NFIC: variants seen among roughly 807,000 people sequenced by gnomAD.
NFIC encodes the protein nuclear factor 1 C-type.
In NFIC, 12 loss-of-function variants were observed where a neutral mutation model predicts 54.4. That is an observed-to-expected ratio of 0.22 (90% CI 0.14 to 0.36). The LOEUF is 0.36. NFIC is among the 10% of genes least tolerant of loss of function. The pLI is 1.00. For missense variants in NFIC, 575 were observed against 718.2 expected, an observed-to-expected ratio of 0.80 and a Z score of 2.28; for synonymous variants, 322 against 319.2, an observed-to-expected ratio of 1.01 and a Z score of -0.09.
intron 1 of NFIC, among the ~76,000 whole-genome samples, chr19:3,381,191 TC>T (rs1389726183): frequency 6.6e-6 from 1 of 151,934 alleles, no homozygotes; most frequent in Non-Finnish European, 1.5e-5. Flanking sequence ...GGTCAGGAGA[TC>T]GAGACCATCC....
chr19:3,392,719 G>C (rs1199274413), intron 2 of NFIC, among the ~76,000 whole-genome samples: 2 of 152,170 alleles, frequency 1.3e-5, no homozygotes, highest in Non-Finnish European at 2.9e-5. Context: ...CTGTGCCCAC[G>C]GCCCCCTCCA....
intron 10 of NFIC, among the ~76,000 whole-genome samples, chr19:3,462,513 A>C (rs2082656949): frequency 6.6e-6 from 1 of 152,056 alleles, no homozygotes; most frequent in Non-Finnish European, 1.5e-5. Context: ...GTTAACCAGA[A>C]CTCCAGTTTC....
At chr19:3,424,007 TATTTA>T (rs920263380) in intron 2 of NFIC, among the ~76,000 whole-genome samples, 10 of 152,084 alleles carry the variant, frequency 6.6e-5, no homozygotes, top group Non-Finnish European at 1.5e-4. Context: ...CATTTTATTT[TATTTA>T]TTTTGTTTTA....
chr19:3,396,633 G>A (rs963693042), intron 2 of NFIC, among the ~76,000 whole-genome samples: 6 of 152,054 alleles, frequency 3.9e-5, no homozygotes, highest in Admixed American at 6.6e-5. Flanking sequence ...GCCGCTCGTA[G>A]CCCAGAGCTT....
intron 6 of NFIC, among the ~76,000 whole-genome samples, chr19:3,441,875 C>T (rs2082299061): frequency 1.3e-5 from 2 of 152,208 alleles, no homozygotes; most frequent in Non-Finnish European, 2.9e-5. Flanking sequence ...CCTCCTCCTC[C>T]TCGGCATCCT....
chr19:3,464,426 C>T lies in NFIC; in HGVS notation c.*1657C>T. 4.1e-6 allele frequency: 4 copies of T among 984,658 alleles called. No individual in the cohort carries two copies. The South Asian group carries it at 1.9e-4, about 46-fold the overall frequency. The allele number at this position is 984,658 out of a possible 1,614,324, so 61.0% of individuals were successfully genotyped here. ...CCCCGGCTCCCTGGCCCTATCCACA[C>T]CTCCACCCCCACCCCAGGATCGCCA... On this transcript the variant is annotated 3_prime_UTR_variant, in exon 11 of 11. Coordinates refer to ENST00000443272, the MANE Select transcript of NFIC (RefSeq NM_001245002.2).
At chr19:3,393,966 A>C (rs1404239199) in intron 2 of NFIC, among the ~76,000 whole-genome samples, 3 of 151,348 alleles carry the variant, frequency 2.0e-5, no homozygotes, top group Non-Finnish European at 4.4e-5. Flanking sequence ...TCCTTGAGAC[A>C]GAGTCTCGCT....
chr19:3,451,032 A>G (rs893925833), intron 7 of NFIC, among the ~76,000 whole-genome samples: 4 of 152,212 alleles, frequency 2.6e-5, no homozygotes, highest in Non-Finnish European at 5.9e-5. Context: ...GGCTGTGGAG[A>G]TGAGGGAGTG....
chr19:3,383,679 G>A (rs368572732), intron 2 of NFIC, among the ~76,000 whole-genome samples: 6 of 152,298 alleles, frequency 3.9e-5, no homozygotes, highest in South Asian at 4.1e-4. Context: ...TGGAGCACGC[G>A]TGAACCCCCA....
Position 3,464,814 on chromosome 19 carries a change from CG to C in NFIC, c.*2049del, listed in dbSNP as rs2082695008. On this transcript the variant is annotated 3_prime_UTR_variant, in exon 11 of 11. Transcript: ENST00000443272. ...CTTGGTCCCTCCGTCCGTCTGTCCT[CG>C]GGGCCCGCTCCCCCGGTGGCCCTTG... 6.1e-6 allele frequency: 4 copies of C among 651,162 alleles called. No individual in the cohort carries two copies. Among genetic ancestry groups the C allele is most frequent in the Non-Finnish European group, 5.7e-6 (3 of 525,210 alleles). The allele number at this position is 651,162 out of a possible 1,614,324, so 40.3% of individuals were successfully genotyped here. A position where few individuals can be genotyped will look rare whatever the true frequency, so the allele number is the denominator to read the frequency against.
chr19:3,399,849 T>C (rs1194556331), intron 2 of NFIC, among the ~76,000 whole-genome samples: 8 of 152,046 alleles, frequency 5.3e-5, no homozygotes. Context: ...CTAGCCTGGG[T>C]GACAGAGCAA....
chr19:3,389,786 C>T (rs2081350963), intron 2 of NFIC, among the ~76,000 whole-genome samples: 1 of 152,108 alleles, frequency 6.6e-6, no homozygotes, highest in South Asian at 2.1e-4. Flanking sequence ...AGTTCGAGAC[C>T]AGCCTGACCA....
At chr19:3,439,617 G>A (rs1446112149) in intron 6 of NFIC, among the ~76,000 whole-genome samples, 1 of 151,182 alleles carries the variant, frequency 6.6e-6, no homozygotes, top group Non-Finnish European at 1.5e-5. Flanking sequence ...ACTCCAGCCT[G>A]GGCAACAAGA....
chr19:3,446,354 G>T (rs1351769099), intron 6 of NFIC, among the ~76,000 whole-genome samples: 1 of 151,852 alleles, frequency 6.6e-6, no homozygotes, highest in Non-Finnish European at 1.5e-5. Flanking sequence ...GGTACTTTTG[G>T]TGATGTCTGG....
At position 3,449,085 on chromosome 19, in the gene NFIC, C is replaced by T; in HGVS notation, c.1030C>T (p.Pro344Ser). 1 of 1,613,704 alleles carries T rather than the reference C, an allele frequency of 6.2e-7. No homozygotes were observed. Residue 344 changes from proline to serine, a missense_variant, in exon 7 of 11, where the codon CCC (proline) becomes TCC (serine). Pro to Ser is a moderately conservative substitution (Grantham distance 74). Coordinates refer to ENST00000443272, the MANE Select transcript of NFIC (RefSeq NM_001245002.2). ...CAACAGCCCGTCCCCCCAGGACTCT[C>T]CCCGCCTCTCCAGCTTCACCCAGCA... The part of the protein sequence containing the change: ...PFNSPSPQDS[P>S]RLSSFTQHHR...
At chr19:3,443,291 G>A (rs535818208) in intron 6 of NFIC, among the ~76,000 whole-genome samples, 4 of 152,102 alleles carry the variant, frequency 2.6e-5, no homozygotes, top group Non-Finnish European at 5.9e-5. Flanking sequence ...ATGTGGTGGC[G>A]TGTGCCTGTA....
rs560457761 is a variant in NFIC, at chr19:3,406,913, C to T, written c.563-18193C>T. Among the ~76,000 whole-genome samples, 208 of 151,882 alleles carry T rather than the reference C, an allele frequency of 1.4e-3. 1 individual carries two copies. Among genetic ancestry groups the T allele is most frequent in the African/African-American group, 4.8e-3 (198 of 41,422 alleles). Reference sequence around the variant, plus strand: ...GGTGTTCCAAGCAGTGTGCACAGCCCGTGCAAAGGCCCTGAGGCAGGACCG... The same window carrying T: ...GGTGTTCCAAGCAGTGTGCACAGCCTGTGCAAAGGCCCTGAGGCAGGACCG... On this transcript the variant is annotated intron_variant, in intron 2 of 10. Coordinates refer to ENST00000443272, the MANE Select transcript of NFIC (RefSeq NM_001245002.2).
At chr19:3,384,432 G>T (rs530093533) in intron 2 of NFIC, among the ~76,000 whole-genome samples, 1 of 147,560 alleles carries the variant, frequency 6.8e-6, no homozygotes, top group Admixed American at 6.8e-5. Flanking sequence ...CCTGTTCCCC[G>T]GGCTGGAGTC....
chr19:3,427,862 AAAAG>A (rs1288815827), intron 3 of NFIC, among the ~76,000 whole-genome samples: 11 of 146,856 alleles, frequency 7.5e-5, no homozygotes, highest in Admixed American at 1.4e-4. Flanking sequence ...AGAAAGAAAG[AAAAG>A]AAAGAGAGAG....
Sources: allele counts gnomAD v4.1 joint callset (sites outside exome capture counted in the v4.1 genomes callset), GRCh38; gene constraint gnomAD v4.1.1; transcripts MANE v1.5; gene names NCBI Gene and HGNC (gene_info 2026-07-23, HGNC 2026-07-21).